The following TFRC variants were observed in gnomAD, a reference collection of about 807,000 sequenced individuals.
TFRC encodes the protein transferrin receptor protein 1.
In TFRC, 35 loss-of-function variants were observed where a neutral mutation model predicts 85.8. That is an observed-to-expected ratio of 0.41 (90% CI 0.31 to 0.54). The LOEUF (loss-of-function observed/expected upper bound fraction) is 0.54, where lower values mean the gene tolerates loss of function less well. Ranked by LOEUF, TFRC falls within the 20% of genes least tolerant of loss-of-function variation. The pLI, the probability that TFRC is intolerant of heterozygous loss-of-function variation, is 0.31. For synonymous variants in TFRC, 362 were observed against 328.6 expected (o/e 1.10, Z -1.10); for missense variants, 828 against 921.5 (o/e 0.90, Z 1.31).
chr3:196,058,573 C>T lies in TFRC; in HGVS notation c.1595+1G>A, dbSNP rs1213606322. On this transcript the variant is annotated splice_donor_variant, in intron 15 of 18. Transcript: ENST00000360110. LOFTEE classifies it high-confidence loss of function. ...TTGTTCATTCACTTTTCTCAACTTA[C>T]ACTTTGCTGGCCCAGTTGCTGTCCT... 2 of 1,610,818 alleles carry T rather than the reference C, an allele frequency of 1.2e-6. No homozygotes were observed. Among genetic ancestry groups the T allele is most frequent in the Non-Finnish European group, 1.7e-6 (2 of 1,178,962 alleles).
intron 8 of TFRC, 111 bp from the exon 9 acceptor site, chr3:196,067,768 C>T: frequency 1.6e-6 from 2 of 1,270,308 alleles, no homozygotes. Context: ...CAACTTGAAG[C>T]CTCAAAAATC....
intron 17 of TFRC, among the ~76,000 whole-genome samples, chr3:196,054,324 A>G (rs566181690): frequency 6.6e-6 from 1 of 152,214 alleles, no homozygotes; most frequent in South Asian, 2.1e-4. Flanking sequence ...AGAATCGCTT[A>G]AAGCCGGGAG....
In TFRC at chr3:196,076,472, C is replaced by T. The variant is rs1391528110; in HGVS notation, c.36+592G>A. ...TTTGCTTTTTTTTTTTTTTTTGAGACGGAGTCTCACTCTGTTGCCCAGGCT... is the reference window on the plus strand; with the variant it reads ...TTTGCTTTTTTTTTTTTTTTTGAGATGGAGTCTCACTCTGTTGCCCAGGCT... On this transcript the variant is annotated intron_variant, in intron 2 of 18. Transcript: ENST00000360110. Among the ~76,000 whole-genome samples, 5 of 143,728 alleles carry T rather than the reference C, an allele frequency of 3.5e-5. No homozygotes were observed. In the East Asian group the frequency reaches 8.3e-4, roughly 24 times the overall value. The allele number at this position is 143,728 out of a possible 152,430, so 94.3% of individuals were successfully genotyped here. A position where few individuals can be genotyped will look rare whatever the true frequency, so the allele number is the denominator to read the frequency against.
chr3:196,078,228 T>C lies in TFRC; in HGVS notation c.-23-1106A>G, dbSNP rs532923167. Among the ~76,000 whole-genome samples, 35 of 152,004 alleles carry C rather than the reference T, an allele frequency of 2.3e-4. 1 individual carries two copies. Among genetic ancestry groups the C allele is most frequent in the African/African-American group, 7.0e-4 (29 of 41,490 alleles). On this transcript the variant is annotated intron_variant, in intron 1 of 18. Transcript: ENST00000360110. ...TGACATTATCCTGAGATTTGCAAAATGGACATTTATTGGATACCATTTTAA... is the reference window on the plus strand; with the variant it reads ...TGACATTATCCTGAGATTTGCAAAACGGACATTTATTGGATACCATTTTAA...
chr3:196,080,559 A>T (rs773959965), intron 1 of TFRC, among the ~76,000 whole-genome samples: 1 of 152,244 alleles, frequency 6.6e-6, no homozygotes, highest in Non-Finnish European at 1.5e-5. Context: ...TTTAACTAGC[A>T]TTGTGATCGA....
intron 13 of TFRC, among the ~76,000 whole-genome samples, chr3:196,060,965 A>G (rs566028713): frequency 6.6e-6 from 1 of 152,256 alleles, no homozygotes; most frequent in East Asian, 1.9e-4. Context: ...GGTTAGAGCT[A>G]TACATAGTAT....
rs1716266445 is a variant in TFRC, at chr3:196,051,057, T to C, written c.*885A>G. 1.4e-5 allele frequency: 3 copies of C among 211,242 alleles called. No homozygotes were observed. The highest frequency in any genetic ancestry group is 1.5e-3 in the Middle Eastern group (1 of 684). 13.1% of individuals were successfully genotyped at this position (211,242 alleles called of 1,614,324 possible). A position where few individuals can be genotyped will look rare whatever the true frequency, so the allele number is the denominator to read the frequency against. ...TATAGTGAACTCTGTCACTGATAAATAAACAATAAATATCTCAGTGCCAAA... is the reference window on the plus strand; with the variant it reads ...TATAGTGAACTCTGTCACTGATAAACAAACAATAAATATCTCAGTGCCAAA... On this transcript the variant is annotated 3_prime_UTR_variant, in exon 19 of 19. Transcript: ENST00000360110.
At chr3:196,064,517 C>T (rs1419120759) in intron 10 of TFRC, 89 bp from the exon 11 acceptor site, 1 of 1,290,388 alleles carries the variant, frequency 7.7e-7, no homozygotes, top group Non-Finnish European at 1.0e-6. Context: ...AAGGTAAAAG[C>T]ACAGTATATG....
intron 3 of TFRC, 105 bp from the exon 4 acceptor site, chr3:196,074,230 C>G: frequency 9.1e-7 from 1 of 1,100,110 alleles, no homozygotes; most frequent in East Asian, 2.4e-5. Context: ...TGGTTTTCAT[C>G]AAATTCTAAG....
At chr3:196,077,879 T>C (rs1195447751) in intron 1 of TFRC, among the ~76,000 whole-genome samples, 1 of 152,138 alleles carries the variant, frequency 6.6e-6, no homozygotes, top group African/African-American at 2.4e-5. Flanking sequence ...CCTGACTGAA[T>C]GAATAGTTCC....
At chr3:196,058,786 AC>A in intron 14 of TFRC, 154 bp from the exon 15 acceptor site, 1 of 448,804 alleles carries the variant, frequency 2.2e-6, no homozygotes, top group Non-Finnish European at 3.9e-6. Context: ...AACAATCTCA[AC>A]TTTAAGTTAT....
At chr3:196,072,263 G>C in intron 4 of TFRC, 111 bp from the exon 5 acceptor site, 1 of 1,381,194 alleles carries the variant, frequency 7.2e-7, no homozygotes, top group Admixed American at 2.4e-5. Flanking sequence ...TCATAGTTCA[G>C]ATAAATGAAC....
At chr3:196,077,157 A>C in intron 1 of TFRC, 35 bp from the exon 2 acceptor site, 1 of 1,488,408 alleles carries the variant, frequency 6.7e-7, no homozygotes, top group Non-Finnish European at 9.3e-7. Flanking sequence ...TGAGAAAGAT[A>C]CTACTGTATC....
chr3:196,076,537 C>A (rs767152355), intron 2 of TFRC, among the ~76,000 whole-genome samples: 1 of 151,752 alleles, frequency 6.6e-6, no homozygotes, highest in Non-Finnish European at 1.5e-5. Context: ...GCAACCTCCG[C>A]CTCCCGGGTT....
In TFRC at chr3:196,052,147, T is replaced by C. The variant is rs770731307; in HGVS notation, c.2078A>G (p.Lys693Arg). The change falls in exon 19 of 19, where the codon AAA becomes AGA. Residue 693 changes from lysine (K) to arginine (R), a missense_variant. Coordinates refer to ENST00000360110, the MANE Select transcript of TFRC (RefSeq NM_001128148.3). ...GAAGACATGTCGGAAAGGAGACTCTTTTGGAGATACGTAGGGAGAGAGGAA... is the reference window on the plus strand; with the variant it reads ...GAAGACATGTCGGAAAGGAGACTCTCTTGGAGATACGTAGGGAGAGAGGAA... The part of the protein sequence containing the change: ...YHFLSPYVSP[K>R]ESPFRHVFWG... 1.7e-5 allele frequency: 27 copies of C among 1,613,938 alleles called. No individual in the cohort carries two copies. In the East Asian group the frequency reaches 5.6e-4, roughly 33 times the overall value.
intron 4 of TFRC, among the ~76,000 whole-genome samples, chr3:196,073,313 G>A (rs1718384803): frequency 6.7e-6 from 1 of 149,398 alleles, no homozygotes; most frequent in African/African-American, 2.5e-5. Flanking sequence ...AAAAAAATTA[G>A]CTGGGTGTGG....
intron 14 of TFRC, 103 bp from the exon 15 acceptor site, chr3:196,058,735 GTATTATATCTTC>G (rs1366761766): frequency 1.6e-5 from 11 of 668,956 alleles, no homozygotes; most frequent in Admixed American, 5.7e-5. Flanking sequence ...TAAAAAACTT[GTATTATATCTTC>G]TTGAAAAGAA....
chr3:196,077,940 G>A (rs987238378), intron 1 of TFRC, among the ~76,000 whole-genome samples: 9 of 152,080 alleles, frequency 5.9e-5, no homozygotes, highest in South Asian at 4.1e-4. Context: ...CACAGATTAC[G>A]CTGTTTTACA....
Position 196,064,349 on chromosome 3 carries a change from T to C in TFRC, c.1278A>G (p.Leu426=), listed in dbSNP as rs752073277. 56 of 1,613,558 alleles carry C rather than the reference T, an allele frequency of 3.5e-5. No homozygotes were observed. Among genetic ancestry groups the C allele is most frequent in the South Asian group, 4.4e-5 (4 of 91,016 alleles). The part of the protein sequence containing the change: ...AAKSGVGTAL[L]LKLAQMFSDM... ...CTGAGAACATCTGGGCAAGTTTCAA[T>C]AGGAGAGCTGTGCCTACACCGGATT... Residue 426 remains leucine (L), a synonymous_variant, in exon 11 of 19, where the codon CTA becomes CTG. Transcript: ENST00000360110.
Sources: allele counts gnomAD v4.1 joint callset (sites outside exome capture counted in the v4.1 genomes callset), GRCh38; gene constraint gnomAD v4.1.1; transcripts MANE v1.5; gene names NCBI Gene and HGNC (gene_info 2026-07-23, HGNC 2026-07-21).